Variants in SLK observed in about 807,000 individuals in gnomAD.
The protein encoded by SLK is STE20-like serine/threonine-protein kinase.
In SLK, 67 loss-of-function variants were observed where a neutral mutation model predicts 147.7. That is an observed-to-expected ratio of 0.45 (90% CI 0.37 to 0.56). The LOEUF (loss-of-function observed/expected upper bound fraction) is 0.56. Ranked by LOEUF, SLK falls within the 20% of genes least tolerant of loss-of-function variation. The pLI is 0.00. For synonymous variants in SLK, 441 were observed against 475.0 expected, an observed-to-expected ratio of 0.93 and a Z score of 0.93; for missense variants, 1,136 against 1,438.8, an observed-to-expected ratio of 0.79 and a Z score of 3.41.
intron 13 of SLK, among the ~76,000 whole-genome samples, chr10:104,016,057 G>T (rs529110724): frequency 1.5e-3 from 226 of 152,238 alleles, no homozygotes; most frequent in Middle Eastern, 0.014. Context: ...GTTGGCTCAC[G>T]CTTGTAATCC....
At chr10:104,018,126 T>TGTTTAGTTC in intron 13 of SLK, 34 bp from the exon 14 acceptor site, 1 of 1,530,394 alleles carries the variant, frequency 6.5e-7, no homozygotes, top group Admixed American at 2.0e-5. Flanking sequence ...GTTCATTAGA[T>TGTTTAGTTC]ACTTATTAAC....
chr10:104,018,919 G>T lies in SLK; in HGVS notation c.3132+11G>T. 6.5e-7 allele frequency: 1 copy of T among 1,547,904 alleles called. No individual in the cohort carries two copies. The highest frequency in any genetic ancestry group is 1.4e-5 in the African/African-American group (1 of 71,756). On this transcript the variant is annotated intron_variant, in intron 15 of 18. Coordinates refer to ENST00000369755, the MANE Select transcript of SLK (RefSeq NM_014720.4). The stretch of plus-strand genomic sequence containing the variant: ...AAGCGCCACGAGAAGGTTAATGAAA[G>T]GAAAATTTCTTCATTTTTTTGTTCG...
intron 13 of SLK, among the ~76,000 whole-genome samples, chr10:104,017,160 T>C (rs2134526267): frequency 6.6e-6 from 1 of 152,344 alleles, no homozygotes; most frequent in South Asian, 2.1e-4. Flanking sequence ...GGGTAGATAG[T>C]ATGTACTCAA....
In SLK at chr10:104,012,314, TA is replaced by T. The variant is rs558529646; in HGVS notation, c.2877+1407del. ...TTAACACCATGAAAAATAAGGAAAA[TA>T]TAATCTTAGAATTTAAAAATTAAAT... On this transcript the variant is annotated intron_variant, in intron 13 of 18. Transcript: ENST00000369755. Among the ~76,000 whole-genome samples, 9 of 152,238 alleles carry T rather than the reference TA, an allele frequency of 5.9e-5. No homozygotes were observed. The South Asian group carries it at 1.9e-3, about 32-fold the overall frequency.
chr10:103,973,278 G>T (rs1005736637), intron 1 of SLK, among the ~76,000 whole-genome samples: 1 of 152,094 alleles, frequency 6.6e-6, no homozygotes, highest in South Asian at 2.1e-4. Flanking sequence ...AGAACTATTT[G>T]CTGGGAAGAA....
At chr10:103,985,438 G>A (rs539436859) in intron 1 of SLK, among the ~76,000 whole-genome samples, 1 of 152,222 alleles carries the variant, frequency 6.6e-6, no homozygotes, top group South Asian at 2.1e-4. Context: ...TACATTTTAT[G>A]GTTAAATGTT....
At chr10:103,978,918 T>C (rs1035184859) in intron 1 of SLK, among the ~76,000 whole-genome samples, 24 of 152,330 alleles carry the variant, frequency 1.6e-4, no homozygotes, top group African/African-American at 5.8e-4. Context: ...TTGGAAAGTG[T>C]GAGCAAAGTT....
intron 13 of SLK, among the ~76,000 whole-genome samples, chr10:104,011,604 A>G (rs953639208): frequency 6.6e-6 from 1 of 150,582 alleles, no homozygotes; most frequent in South Asian, 2.1e-4. Context: ...CTCTGTCTCC[A>G]GGCTGGAGTG....
chr10:104,023,317 G>A (rs1270881378), intron 18 of SLK, among the ~76,000 whole-genome samples: 3 of 152,168 alleles, frequency 2.0e-5, no homozygotes, highest in African/African-American at 7.2e-5. Context: ...TTCAACTGTT[G>A]CAGATAGACA....
At chr10:103,980,704 A>G (rs1843929441) in intron 1 of SLK, among the ~76,000 whole-genome samples, 1 of 152,154 alleles carries the variant, frequency 6.6e-6, no homozygotes, top group African/African-American at 2.4e-5. Context: ...TGGTATGTAT[A>G]TACACATTTT....
chr10:104,025,719 A>G lies in SLK; in HGVS notation c.3707A>G (p.Ter1236=), dbSNP rs746950851. ...PIPSLHSTGS[*] is the part of the protein sequence containing the mutation. ...CCCAGCTTGCATTCCACCGGATCAT[A>G]ACAAAGGGAAGCATTCTGTGCGTGG... The change falls in exon 19 of 19, where the codon TAA becomes TGA. Residue 1236 remains the stop codon, a stop_retained_variant. Transcript: ENST00000369755. 3.0e-5 allele frequency: 48 copies of G among 1,613,888 alleles called. No individual in the cohort carries two copies. The highest frequency in any genetic ancestry group is 3.8e-5 in the Non-Finnish European group (45 of 1,179,930).
Position 103,991,735 on chromosome 10 carries a change from G to A in SLK, c.316-863G>A, listed in dbSNP as rs73328259. On this transcript the variant is annotated intron_variant, in intron 2 of 18. Coordinates refer to ENST00000369755, the MANE Select transcript of SLK (RefSeq NM_014720.4). ...CTTGTAAAAAAAAATAAAGCATTAT[G>A]CTGAGGGAAAAAAGGCAGGAAGCTA... is the stretch of plus-strand genomic sequence containing the variant. 2.2e-3 allele frequency among the ~76,000 whole-genome samples: 340 copies of A among 152,042 alleles called. 1 individual carries two copies. Among genetic ancestry groups the A allele is most frequent in the African/African-American group, 7.5e-3 (313 of 41,528 alleles).
intron 1 of SLK, among the ~76,000 whole-genome samples, chr10:103,975,096 T>G (rs945322259): frequency 6.6e-6 from 1 of 152,012 alleles, no homozygotes; most frequent in Non-Finnish European, 1.5e-5. Flanking sequence ...GGCTTGGGTA[T>G]AGGCCACCTT....
chr10:103,989,464 CTTTT>C (rs68033075), intron 1 of SLK, among the ~76,000 whole-genome samples: 4 of 78,616 alleles, frequency 5.1e-5, no homozygotes, highest in South Asian at 4.8e-4. Context: ...GTGGCAGTTT[CTTTT>C]TTTTTTTTTT....
chr10:104,002,941 C>T lies in SLK; in HGVS notation c.1763C>T (p.Pro588Leu). The change falls in exon 9 of 19, where the codon CCC (proline) becomes CTC (leucine). Residue 588 changes from proline to leucine, a missense_variant. Pro to Leu is a moderately conservative substitution (Grantham distance 98, BLOSUM62 -3). Coordinates refer to ENST00000369755, the MANE Select transcript of SLK (RefSeq NM_014720.4). Reference protein sequence around the residue: ...VEVGQKLINKPMVGPEAGGTK... With the variant: ...VEVGQKLINKLMVGPEAGGTK... ...GTAGGCCAGAAATTAATTAATAAGCCCATGGTGGGTCCTGAGGCTGGTGGT... is the reference window on the plus strand; with the variant it reads ...GTAGGCCAGAAATTAATTAATAAGCTCATGGTGGGTCCTGAGGCTGGTGGT... 6.2e-7 allele frequency: 1 copy of T among 1,613,900 alleles called. No homozygotes were observed. The highest frequency in any genetic ancestry group is 8.5e-7 in the Non-Finnish European group (1 of 1,179,964).
At chr10:104,009,424 T>G (rs966694652) in intron 12 of SLK, among the ~76,000 whole-genome samples, 1 of 152,166 alleles carries the variant, frequency 6.6e-6, no homozygotes, top group South Asian at 2.1e-4. Context: ...AGTCAAACAT[T>G]AATAAATACA....
chr10:104,005,444 G>T, intron 9 of SLK, 117 bp from the exon 10 acceptor site: 1 of 841,894 alleles, frequency 1.2e-6, no homozygotes, highest in South Asian at 1.9e-5. Context: ...TGTGTAGTCT[G>T]CATGGCTGTT....
chr10:104,006,797 CTG>C (rs35847820), intron 11 of SLK, among the ~76,000 whole-genome samples: 73,135 of 151,764 alleles, frequency 0.48, 18,944 homozygotes, highest in East Asian at 0.72. Context: ...TGGATCATAA[CTG>C]AGATTTCCTA....
intron 14 of SLK, 127 bp downstream of exon 14, chr10:104,018,416 T>C: frequency 1.2e-6 from 1 of 855,580 alleles, no homozygotes. Flanking sequence ...ATCTGAATAA[T>C]TTTGTGTACT....
Sources: gnomAD v4.1 joint callset for allele counts (sites outside exome capture counted in the v4.1 genomes callset) on GRCh38, gnomAD v4.1.1 for gene constraint, MANE v1.5 for transcripts, NCBI Gene and HGNC (gene_info 2026-07-23, HGNC 2026-07-21) for gene names.